CDK12: variants seen among roughly 807,000 people sequenced by gnomAD.
CDK12 encodes the protein cyclin-dependent kinase 12.
Under a neutral mutation model 133.8 loss-of-function variants are expected in CDK12, and 17 were observed. That is an observed-to-expected ratio of 0.13 (90% CI 0.09 to 0.19). The LOEUF (loss-of-function observed/expected upper bound fraction) is 0.19, where lower values mean the gene tolerates loss of function less well. CDK12 is among the 10% of genes least tolerant of loss of function. The pLI is 1.00. For synonymous variants in CDK12, 694 were observed against 683.6 expected (o/e 1.02, Z -0.24); for missense variants, 1,508 against 1,818.7 (o/e 0.83, Z 3.11).
At chr17:39,477,390 C>T (rs2050294973) in intron 2 of CDK12, among the ~76,000 whole-genome samples, 1 of 151,552 alleles carries the variant, frequency 6.6e-6, no homozygotes, top group Admixed American at 6.6e-5. Context: ...CGCATGCCAC[C>T]ATGCCCAGCT....
At chr17:39,476,959 C>A (rs2050260563) in intron 2 of CDK12, among the ~76,000 whole-genome samples, 1 of 151,314 alleles carries the variant, frequency 6.6e-6, no homozygotes, top group Non-Finnish European at 1.5e-5. Context: ...AATGATCCAC[C>A]TGCCTCGGGC....
chr17:39,534,898 G>A (rs1046783419), downstream of CDK12: 2 of 152,684 alleles, frequency 1.3e-5, no homozygotes, highest in Non-Finnish European at 2.9e-5. Flanking sequence ...TGTCATCAAG[G>A]GAAGTTGGTA....
intron 2 of CDK12, among the ~76,000 whole-genome samples, chr17:39,489,289 C>A (rs962931654): frequency 2.0e-5 from 3 of 151,862 alleles, no homozygotes; most frequent in African/African-American, 7.3e-5. Flanking sequence ...AGGCTGGTCT[C>A]GAACTCCTGA....
intron 2 of CDK12, among the ~76,000 whole-genome samples, chr17:39,476,957 A>T (rs1203111508): frequency 6.6e-6 from 1 of 150,702 alleles, no homozygotes; most frequent in South Asian, 2.1e-4. Flanking sequence ...TAAATGATCC[A>T]CCTGCCTCGG....
At chr17:39,542,309 C>G (rs117073558) in intron 1 of CDK12, among the ~76,000 whole-genome samples, 4,395 of 151,650 alleles carry the variant, frequency 0.029, 97 homozygotes, top group South Asian at 0.087. Flanking sequence ...GCCTCAGCCT[C>G]CCGAGTAACT....
chr17:39,496,379 C>G (rs963018935), intron 5 of CDK12, among the ~76,000 whole-genome samples: 12 of 151,976 alleles, frequency 7.9e-5, no homozygotes, highest in Non-Finnish European at 1.8e-4. Flanking sequence ...CCCTGTTGAG[C>G]AATTAGTTGC....
rs1222716622 is a variant in CDK12 at position 39,495,416 on chromosome 17, T to A, written c.2419+722T>A. Among the ~76,000 whole-genome samples, 43 of 83,802 alleles carry A rather than the reference T, an allele frequency of 5.1e-4. 1 individual carries two copies. Among genetic ancestry groups the A allele is most frequent in the Middle Eastern group, 0.015 (2 of 136 alleles). 55.0% of individuals were successfully genotyped at this position (83,802 alleles called of 152,430 possible). ...TTTTTTTTTTTTTTTTTTTTTTTTT[T>A]ATAAAATAATAAGTGAATGAATGGA... On this transcript the variant is annotated intron_variant, in intron 5 of 13. Transcript: ENST00000447079.
At chr17:39,544,709 A>C (rs2055596123), upstream of CDK12, among the ~76,000 whole-genome samples, 1 of 145,374 alleles carries the variant, frequency 6.9e-6, no homozygotes, top group Non-Finnish European at 1.5e-5. Flanking sequence ...GGCTCACCGC[A>C]ACCTCCGCCT....
chr17:39,542,304 A>C (rs1465815805), intron 1 of CDK12, among the ~76,000 whole-genome samples: 1 of 150,668 alleles, frequency 6.6e-6, no homozygotes, highest in Non-Finnish European at 1.5e-5. Flanking sequence ...CTCCTGCCTC[A>C]GCCTCCCGAG....
chr17:39,566,429 C>G (rs1026148350), downstream of CDK12, among the ~76,000 whole-genome samples: 1 of 152,170 alleles, frequency 6.6e-6, no homozygotes, highest in African/African-American at 2.4e-5. Flanking sequence ...TCATTTTTCT[C>G]ACCTCAGACC....
chr17:39,481,088 TACTA>T (rs1293280167), intron 2 of CDK12, among the ~76,000 whole-genome samples: 1 of 151,880 alleles, frequency 6.6e-6, no homozygotes, highest in Non-Finnish European at 1.5e-5. Flanking sequence ...ACCCCGTCTC[TACTA>T]AAAGTACAAA....
intron 9 of CDK12, among the ~76,000 whole-genome samples, chr17:39,516,071 C>T (rs67274822): frequency 0.1 from 15,805 of 152,170 alleles, 894 homozygotes; most frequent in African/African-American, 0.15. Context: ...ATGGCTCTTC[C>T]ATTCATAGCT....
chr17:39,542,887 A>G (rs1468226339), upstream of CDK12, among the ~76,000 whole-genome samples: 3 of 152,220 alleles, frequency 2.0e-5, no homozygotes, highest in African/African-American at 7.2e-5. Flanking sequence ...TTCATTGGGA[A>G]GCAGATGGCA....
Position 39,471,246 on chromosome 17 carries a change from G to A in CDK12, c.1414G>A (p.Val472Ile), listed in dbSNP as rs757042254. 7.5e-6 allele frequency: 12 copies of A among 1,609,268 alleles called. No homozygotes were observed. The highest frequency in any genetic ancestry group is 1.0e-5 in the Non-Finnish European group (12 of 1,178,724). The change falls in exon 2 of 14, where the codon GTA (valine) becomes ATA (isoleucine). Residue 472 changes from valine (V) to isoleucine (I), a missense_variant. Val to Ile is a conservative substitution (Grantham distance 29). Coordinates refer to ENST00000447079, the MANE Select transcript of CDK12 (RefSeq NM_016507.4). ...LVNVTHLNTE[V>I]KNSSDTGKVK... ...GAATGTAACACATCTAAACACAGAG[G>A]TAAAAAATTCTTCAGATACAGGGAA...
chr17:39,484,164 A>G (rs1480842669), intron 2 of CDK12, among the ~76,000 whole-genome samples: 2 of 152,138 alleles, frequency 1.3e-5, no homozygotes, highest in Admixed American at 6.6e-5. Context: ...TTTTATTAAC[A>G]GTATTTTTAT....
intron 3 of CDK12, 125 bp downstream of exon 3, chr17:39,490,858 T>A (rs1030526665): frequency 7.9e-5 from 50 of 631,688 alleles, no homozygotes; most frequent in Middle Eastern, 3.1e-4. Flanking sequence ...AAGTATTTTT[T>A]AATTTTATTT....
intron 2 of CDK12, among the ~76,000 whole-genome samples, chr17:39,475,943 T>C (rs187294610): frequency 6.6e-6 from 1 of 152,166 alleles, no homozygotes; most frequent in African/African-American, 2.4e-5. Flanking sequence ...TTTTATAGTT[T>C]TTGTTGGAAA....
intron 2 of CDK12, among the ~76,000 whole-genome samples, chr17:39,552,925 C>T (rs1484670965): frequency 1.3e-5 from 2 of 152,124 alleles, no homozygotes; most frequent in South Asian, 2.1e-4. Context: ...GACGTGGTTT[C>T]ACCATGTTGG....
rs2144857976 is a variant in CDK12 at position 39,462,287 on chromosome 17, G to A, written c.216G>A (p.Glu72=). Residue 72 remains glutamate (E), a synonymous_variant, in exon 1 of 14, where the codon GAG becomes GAA. Coordinates refer to ENST00000447079, the MANE Select transcript of CDK12 (RefSeq NM_016507.4). ...SLGTVIKPLV[E]YDDISSDSDT... is the part of the protein sequence containing the mutation. ...GCACAGTTATCAAACCTTTGGTGGA[G>A]TATGATGATATCAGCTCTGATTCCG... 1 of 1,614,180 alleles carries A rather than the reference G, an allele frequency of 6.2e-7. No individual in the cohort carries two copies. The highest frequency in any genetic ancestry group is 1.7e-5 in the Admixed American group (1 of 60,014).
Sources: allele counts gnomAD v4.1 joint callset (sites outside exome capture counted in the v4.1 genomes callset), GRCh38; gene constraint gnomAD v4.1.1; transcripts MANE v1.5; gene names NCBI Gene and HGNC (gene_info 2026-07-23, HGNC 2026-07-21).